Variants in TBC1D9 observed in about 807,000 individuals in gnomAD.
The protein encoded by TBC1D9 is TBC1 domain family member 9.
In TBC1D9, 63 loss-of-function variants were observed where a neutral mutation model predicts 132.0. That is an observed-to-expected ratio of 0.48 (90% CI 0.39 to 0.59). The LOEUF is 0.59. Among genes scored for constraint, TBC1D9 ranks in the 20% least tolerant of loss-of-function variants. The pLI is 0.00. For synonymous variants in TBC1D9, 610 were observed against 609.9 expected, an observed-to-expected ratio of 1.00 and a Z score of 0.00; for missense variants, 1,261 against 1,592.7, an observed-to-expected ratio of 0.79 and a Z score of 3.54.
chr4:140,700,381 T>C (rs376347339), intron 2 of TBC1D9, among the ~76,000 whole-genome samples: 1 of 148,262 alleles, frequency 6.7e-6, no homozygotes, highest in South Asian at 2.2e-4. Flanking sequence ...ACCTGGGAGG[T>C]AGAGGTTGCA....
chr4:140,626,466 T>G lies in TBC1D9; in HGVS notation c.2899+975A>C, dbSNP rs140511228. 7.9e-4 allele frequency among the ~76,000 whole-genome samples: 121 copies of G among 152,290 alleles called. No homozygotes were observed. The Middle Eastern group carries it at 0.024, about 30-fold the overall frequency. ...AGAAATCACTTTGGTGCTTACAGTC[T>G]AAAAGTAAGGTCTCTTGGTGCAGGT... On this transcript the variant is annotated intron_variant, in intron 18 of 20. Coordinates refer to ENST00000442267, the MANE Select transcript of TBC1D9 (RefSeq NM_015130.3).
intron 1 of TBC1D9, among the ~76,000 whole-genome samples, chr4:140,703,345 A>G (rs958003295): frequency 2.8e-4 from 43 of 152,206 alleles, no homozygotes; most frequent in Non-Finnish European, 3.4e-4. Context: ...TTCTGGCCAT[A>G]CCAAATAAGA....
At chr4:140,700,136 A>C (rs1192358526) in intron 2 of TBC1D9, among the ~76,000 whole-genome samples, 1 of 151,896 alleles carries the variant, frequency 6.6e-6, no homozygotes, top group African/African-American at 2.4e-5. Flanking sequence ...ATCTCTACAA[A>C]AAAAGAAATT....
chr4:140,743,165 G>C (rs766079070), intron 1 of TBC1D9, among the ~76,000 whole-genome samples: 1 of 152,146 alleles, frequency 6.6e-6, no homozygotes, highest in Non-Finnish European at 1.5e-5. Context: ...CTAAATATCA[G>C]ACAGATATCC....
chr4:140,647,315 T>G (rs1737118034), intron 13 of TBC1D9, among the ~76,000 whole-genome samples: 1 of 152,232 alleles, frequency 6.6e-6, no homozygotes, highest in Admixed American at 6.5e-5. Flanking sequence ...GTGGCTGAGC[T>G]GCAAGTGGTC....
chr4:140,699,705 T>G (rs935494436), intron 2 of TBC1D9, among the ~76,000 whole-genome samples: 5 of 152,212 alleles, frequency 3.3e-5, no homozygotes, highest in Non-Finnish European at 7.3e-5. Context: ...TATAATGTTG[T>G]ACCAGATGGG....
chr4:140,688,661 C>T (rs1047454187), intron 2 of TBC1D9, among the ~76,000 whole-genome samples: 2 of 151,912 alleles, frequency 1.3e-5, no homozygotes, highest in African/African-American at 4.8e-5. Context: ...AGAGTGAGAC[C>T]CTGTGGAGAG....
Position 140,634,149 on chromosome 4 carries a change from T to C in TBC1D9, c.2545A>G (p.Asn849Asp). The change falls in exon 16 of 21, where the codon AAC (asparagine) becomes GAC (aspartate). Residue 849 changes from asparagine to aspartate, a missense_variant. Asn to Asp is a conservative substitution (Grantham distance 23). Around this residue, in one of 3 missense-constraint regions of TBC1D9, gnomAD observed 618 missense variants for 724.4 expected, o/e 0.85. Transcript: ENST00000442267. ...CTGGGGTCATGCCGGTCCAGCGCGT[T>C]GCTGCTCCCGCCCCAGTAGCAGCTG... ...LTSCYWGGSS[N>D]ALDRHDPSLP... is the part of the protein sequence containing the mutation. 6.2e-7 allele frequency: 1 copy of C among 1,613,834 alleles called. No individual in the cohort carries two copies. Among genetic ancestry groups the C allele is most frequent in the South Asian group, 1.1e-5 (1 of 91,084 alleles).
chr4:140,700,021 T>C (rs13103197), intron 2 of TBC1D9, among the ~76,000 whole-genome samples: 54,831 of 151,960 alleles, frequency 0.36, 11,791 homozygotes, highest in Non-Finnish European at 0.48. Flanking sequence ...TTTGGGCCAA[T>C]TGCAGTGGCT....
At chr4:140,726,989 A>C (rs1738512113) in intron 1 of TBC1D9, among the ~76,000 whole-genome samples, 1 of 152,238 alleles carries the variant, frequency 6.6e-6, no homozygotes, top group Non-Finnish European at 1.5e-5. Context: ...CAAACACTAA[A>C]GTTGGGTGTC....
intron 2 of TBC1D9, among the ~76,000 whole-genome samples, chr4:140,695,926 TA>T (rs1299553882): frequency 6.6e-6 from 1 of 152,176 alleles, no homozygotes; most frequent in Non-Finnish European, 1.5e-5. Context: ...ACTGGCTGGA[TA>T]AAAGGTAGAA....
rs771434410 is a variant in TBC1D9 at position 140,622,808 on chromosome 4, A to G, written c.3188T>C (p.Ile1063Thr). The G allele has an allele frequency of 3.6e-5, 58 of 1,601,546 alleles. No individual in the cohort carries two copies. Among genetic ancestry groups the G allele is most frequent in the South Asian group, 4.4e-5 (4 of 90,206 alleles). ...CACGAACAACTTGCCGACCTCCCCA[A>G]TCTCCAGCAGGAGGCTGGTCACTGC... ...TAAVTSLLLE[I>T]GEVGKLFVAQ... Residue 1063 changes from isoleucine (I) to threonine (T), a missense_variant, in exon 21 of 21, where the codon ATT becomes ACT. Ile to Thr is a moderately conservative substitution (Grantham distance 89). Transcript: ENST00000442267.
intron 1 of TBC1D9, among the ~76,000 whole-genome samples, chr4:140,712,449 A>AATATATATATATATATATATATATATAT (rs10530134): frequency 0.018 from 1,859 of 102,464 alleles, 161 homozygotes; most frequent in East Asian, 0.033. Context: ...AAAAAAAAAG[A>AATATATATATATATATATATATATATAT]ATATATATAT....
At chr4:140,732,987 A>C (rs911178880) in intron 1 of TBC1D9, among the ~76,000 whole-genome samples, 1 of 152,332 alleles carries the variant, frequency 6.6e-6, no homozygotes, top group Admixed American at 6.5e-5. Context: ...CAATTTCCCC[A>C]GTCCTCATCA....
intron 1 of TBC1D9, among the ~76,000 whole-genome samples, chr4:140,745,085 G>C (rs963561266): frequency 1.3e-5 from 2 of 151,998 alleles, no homozygotes; most frequent in African/African-American, 4.8e-5. Flanking sequence ...ACCTCTTTGA[G>C]TAGTCCTGTC....
At chr4:140,625,588 T>C (rs575747923) in intron 18 of TBC1D9, among the ~76,000 whole-genome samples, 3 of 152,340 alleles carry the variant, frequency 2.0e-5, no homozygotes, top group Admixed American at 2.0e-4. Flanking sequence ...AAGTGTACTA[T>C]GTGTTGTTGG....
intron 1 of TBC1D9, among the ~76,000 whole-genome samples, chr4:140,740,848 G>A (rs556892389): frequency 6.6e-6 from 1 of 152,260 alleles, no homozygotes; most frequent in South Asian, 2.1e-4. Flanking sequence ...GAGTTAGAAG[G>A]AAAATCTTAA....
chr4:140,623,733 A>G (rs1210494724), intron 20 of TBC1D9, among the ~76,000 whole-genome samples: 4 of 152,118 alleles, frequency 2.6e-5, no homozygotes, highest in Admixed American at 2.6e-4. Context: ...ATAATTATTT[A>G]TATTGTTTTT....
intron 1 of TBC1D9, among the ~76,000 whole-genome samples, chr4:140,729,362 T>C (rs915859469): frequency 1.3e-5 from 2 of 152,162 alleles, no homozygotes; most frequent in Non-Finnish European, 2.9e-5. Flanking sequence ...AAGATTCTGA[T>C]GATATGAAAA....
Sources: allele counts gnomAD v4.1 joint callset (sites outside exome capture counted in the v4.1 genomes callset), GRCh38; gene constraint gnomAD v4.1.1; regional missense constraint gnomAD v4.1.1; transcripts MANE v1.5; gene names NCBI Gene and HGNC (gene_info 2026-07-23, HGNC 2026-07-21).